Variants in MBD5 observed in about 807,000 individuals in gnomAD.
MBD5 encodes methyl-CpG binding domain protein 5, also known as methyl-CpG-binding domain protein 5.
In MBD5, 13 loss-of-function variants were observed where a neutral mutation model predicts 117.3. The ratio of observed to expected loss-of-function variants is 0.11; its 90% confidence interval spans 0.07 to 0.18. MBD5 has a LOEUF of 0.18. Among genes scored for constraint, MBD5 ranks in the 10% least tolerant of loss-of-function variants. The pLI is 1.00. For synonymous variants in MBD5, 727 were observed against 766.4 expected, an observed-to-expected ratio of 0.95 and a Z score of 0.85; for missense variants, 1,879 against 2,093.8, an observed-to-expected ratio of 0.90 and a Z score of 2.00.
intron 1 of MBD5, among the ~76,000 whole-genome samples, chr2:148,154,708 T>C (rs1248111200): frequency 2.0e-5 from 3 of 152,136 alleles, no homozygotes; most frequent in Admixed American, 6.5e-5. Context: ...GGTGTGTCCG[T>C]CACCCCTTTC....
intron 3 of MBD5, among the ~76,000 whole-genome samples, chr2:148,270,513 C>G (rs911292583): frequency 6.6e-6 from 1 of 151,788 alleles, no homozygotes; most frequent in Admixed American, 6.6e-5. Flanking sequence ...CTCAGCCTCC[C>G]GAATAACTGG....
intron 3 of MBD5, among the ~76,000 whole-genome samples, chr2:148,326,426 G>T (rs942320031): frequency 1.8e-4 from 28 of 152,240 alleles, no homozygotes; most frequent in Middle Eastern, 6.8e-3. Flanking sequence ...GTCTAATGTT[G>T]ACAGTGGGGT....
intron 3 of MBD5, among the ~76,000 whole-genome samples, chr2:148,266,950 A>T (rs973416991): frequency 6.6e-6 from 1 of 152,202 alleles, no homozygotes; most frequent in Non-Finnish European, 1.5e-5. Context: ...ACAGATACTT[A>T]TTAAGTGATT....
chr2:148,288,765 A>C (rs1701429641), intron 3 of MBD5, among the ~76,000 whole-genome samples: 1 of 152,148 alleles, frequency 6.6e-6, no homozygotes, highest in Admixed American at 6.5e-5. Flanking sequence ...AAAAGGAAAA[A>C]AAAACAGTAA....
At chr2:148,282,482 A>G (rs1020271429) in intron 3 of MBD5, among the ~76,000 whole-genome samples, 2 of 151,956 alleles carry the variant, frequency 1.3e-5, no homozygotes, top group African/African-American at 4.8e-5. Context: ...TGTCTGCTTC[A>G]TAGACATCTT....
At chr2:148,313,986 C>A (rs1702096770) in intron 3 of MBD5, among the ~76,000 whole-genome samples, 1 of 151,894 alleles carries the variant, frequency 6.6e-6, no homozygotes, top group African/African-American at 2.4e-5. Flanking sequence ...TCTGACCAAT[C>A]TCAATGTGGT....
intron 4 of MBD5, among the ~76,000 whole-genome samples, chr2:148,420,704 G>A (rs1162012344): frequency 6.9e-6 from 1 of 144,710 alleles, no homozygotes; most frequent in African/African-American, 2.8e-5. Flanking sequence ...GTCATGTTTT[G>A]TTTTGTTTTG....
At chr2:148,444,219 C>T (rs1183055682) in intron 4 of MBD5, among the ~76,000 whole-genome samples, 1 of 151,424 alleles carries the variant, frequency 6.6e-6, no homozygotes, top group East Asian at 1.9e-4. Flanking sequence ...AAAGGACATA[C>T]TTTTCAGTGG....
At chr2:148,304,098 G>A (rs1162496442) in intron 3 of MBD5, among the ~76,000 whole-genome samples, 1 of 152,080 alleles carries the variant, frequency 6.6e-6, no homozygotes, top group Non-Finnish European at 1.5e-5. Flanking sequence ...CCGATTCCTA[G>A]GAGTCTGAAA....
At chr2:148,490,824 C>T in intron 11 of MBD5, 2 of 558,284 alleles carry the variant, frequency 3.6e-6, no homozygotes, top group East Asian at 3.2e-5. Flanking sequence ...CACTAGGGCT[C>T]AGGGTGGCTG....
chr2:148,079,766 A>G (rs1287247106), intron 1 of MBD5, among the ~76,000 whole-genome samples: 3 of 152,006 alleles, frequency 2.0e-5, no homozygotes, highest in Non-Finnish European at 4.4e-5. Flanking sequence ...CTGAGGTAGT[A>G]GAATAGCTTA....
intron 4 of MBD5, among the ~76,000 whole-genome samples, chr2:148,374,240 T>C (rs1170494920): frequency 1.4e-5 from 2 of 141,868 alleles, no homozygotes; most frequent in Non-Finnish European, 3.1e-5. Context: ...TGTTTATGCA[T>C]ACACACACAC....
intron 4 of MBD5, among the ~76,000 whole-genome samples, chr2:148,344,181 T>C (rs1259941975): frequency 1.3e-5 from 2 of 152,112 alleles, no homozygotes; most frequent in African/African-American, 4.8e-5. Context: ...ATGCATCTGT[T>C]TTTATACCAG....
At chr2:148,272,588 A>T (rs964090255) in intron 3 of MBD5, among the ~76,000 whole-genome samples, 8 of 152,114 alleles carry the variant, frequency 5.3e-5, no homozygotes, top group Non-Finnish European at 8.8e-5. Flanking sequence ...TCTTCGTTTG[A>T]GAAATGTCTA....
At chr2:148,134,094 C>T (rs867884742) in intron 1 of MBD5, among the ~76,000 whole-genome samples, 17 of 151,880 alleles carry the variant, frequency 1.1e-4, no homozygotes, top group Admixed American at 4.6e-4. Flanking sequence ...AATTTTTTTT[C>T]TGCTGATGGC....
At chr2:148,382,944 A>G (rs914092675) in intron 4 of MBD5, among the ~76,000 whole-genome samples, 1 of 151,564 alleles carries the variant, frequency 6.6e-6, no homozygotes, top group Non-Finnish European at 1.5e-5. Flanking sequence ...TCTCTGGGAC[A>G]CATTCAAAGC....
chr2:148,187,510 A>G (rs1200272443), intron 2 of MBD5, among the ~76,000 whole-genome samples: 1 of 152,176 alleles, frequency 6.6e-6, no homozygotes, highest in Non-Finnish European at 1.5e-5. Flanking sequence ...ATACCAAAAC[A>G]TATCATTTCT....
intron 4 of MBD5, among the ~76,000 whole-genome samples, chr2:148,382,514 T>TA (rs1169171175): frequency 2.0e-5 from 3 of 152,118 alleles, no homozygotes; most frequent in Non-Finnish European, 2.9e-5. Flanking sequence ...TGGGAGACTT[T>TA]AACACCCCAC....
At chr2:148,124,971 T>C (rs1218472581) in intron 1 of MBD5, among the ~76,000 whole-genome samples, 1 of 150,970 alleles carries the variant, frequency 6.6e-6, no homozygotes, top group East Asian at 1.9e-4. Flanking sequence ...AAAATATATA[T>C]AAAAGTGGGA....
Sources: allele counts gnomAD v4.1 joint callset (sites outside exome capture counted in the v4.1 genomes callset), GRCh38; gene constraint gnomAD v4.1.1; transcripts MANE v1.5; gene names NCBI Gene and HGNC (gene_info 2026-07-23, HGNC 2026-07-21).